Variants in TTLL5 observed in about 807,000 individuals in gnomAD.
TTLL5 encodes tubulin tyrosine ligase like 5, also known as tubulin polyglutamylase TTLL5.
In TTLL5, 132 loss-of-function variants were observed where a neutral mutation model predicts 168.4. The observed-to-expected ratio is 0.78, with a 90% CI of 0.68 to 0.91. The LOEUF (loss-of-function observed/expected upper bound fraction) is 0.91, where lower values mean the gene tolerates loss of function less well. Ranked by LOEUF, TTLL5 falls within the 40% of genes least tolerant of loss-of-function variation. The pLI, the probability that TTLL5 is intolerant of heterozygous loss-of-function variation, is 0.00. For synonymous variants in TTLL5, 546 were observed against 558.6 expected (o/e 0.98, Z 0.32); for missense variants, 1,545 against 1,581.5 (o/e 0.98, Z 0.39).
intron 9 of TTLL5, chr14:75,710,596 G>T (rs1173515976): frequency 1.3e-5 from 2 of 152,156 alleles, no homozygotes; most frequent in Non-Finnish European, 2.9e-5. Flanking sequence ...AAAGCATAAC[G>T]CATGGCAATA....
intron 7 of TTLL5, among the ~76,000 whole-genome samples, chr14:75,700,395 G>A (rs992848387): frequency 3.3e-5 from 5 of 152,210 alleles, no homozygotes; most frequent in African/African-American, 1.2e-4. Context: ...GAAGCAAAAT[G>A]ATGGAGTTTA....
At chr14:75,874,608 A>G (rs1273108360) in intron 29 of TTLL5, among the ~76,000 whole-genome samples, 1 of 152,202 alleles carries the variant, frequency 6.6e-6, no homozygotes, top group Non-Finnish European at 1.5e-5. Flanking sequence ...AATTGGTACA[A>G]CCTTTCCTGA....
At chr14:75,892,499 C>G (rs962775931) in intron 30 of TTLL5, among the ~76,000 whole-genome samples, 2 of 152,192 alleles carry the variant, frequency 1.3e-5, no homozygotes, top group East Asian at 1.9e-4. Context: ...CAGTTTCCCC[C>G]CCAGGAGACA....
At chr14:75,739,559 T>C (rs1424424222) in intron 15 of TTLL5, among the ~76,000 whole-genome samples, 2 of 152,198 alleles carry the variant, frequency 1.3e-5, no homozygotes, top group Non-Finnish European at 1.5e-5. Flanking sequence ...CTTTAATGTC[T>C]ATGGTTCAAA....
chr14:75,808,533 A>C (rs1436094485), intron 27 of TTLL5, among the ~76,000 whole-genome samples: 3 of 152,028 alleles, frequency 2.0e-5, no homozygotes, highest in Non-Finnish European at 2.9e-5. Context: ...TTCTGATTGA[A>C]TATATTCTCT....
chr14:75,871,406 A>G (rs1049953982), intron 29 of TTLL5, among the ~76,000 whole-genome samples: 1 of 152,168 alleles, frequency 6.6e-6, no homozygotes, highest in Non-Finnish European at 1.5e-5. Flanking sequence ...TATTTTTACC[A>G]GGTCAGAGGA....
intron 28 of TTLL5, among the ~76,000 whole-genome samples, chr14:75,830,302 C>T (rs1267910978): frequency 6.6e-6 from 1 of 152,152 alleles, no homozygotes; most frequent in Non-Finnish European, 1.5e-5. Flanking sequence ...TCCACCTTAC[C>T]ACTTGCATTC....
At chr14:75,781,359 C>T (rs1892038877) in intron 24 of TTLL5, among the ~76,000 whole-genome samples, 1 of 152,148 alleles carries the variant, frequency 6.6e-6, no homozygotes, top group African/African-American at 2.4e-5. Context: ...AGTATAGTAT[C>T]TGGAGTCATT....
chr14:75,819,800 CT>C (rs1894726951), intron 27 of TTLL5, among the ~76,000 whole-genome samples: 1 of 152,156 alleles, frequency 6.6e-6, no homozygotes, highest in South Asian at 2.1e-4. Flanking sequence ...AAAATAAATG[CT>C]TGTTAACTTA....
In TTLL5 at chr14:75,766,384, A is replaced by G; in HGVS notation, c.2015+16A>G. ...GCAATCTTAGGTATGTATCTTTTAT[A>G]ATTATATTAGTAAAACTGATAACAG... is the stretch of plus-strand genomic sequence containing the variant. On this transcript the variant is annotated intron_variant, in intron 20 of 31. Coordinates refer to ENST00000298832, the MANE Select transcript of TTLL5 (RefSeq NM_015072.5). 1.3e-6 allele frequency: 2 copies of G among 1,586,904 alleles called. No homozygotes were observed. Among genetic ancestry groups the G allele is most frequent in the South Asian group, 1.2e-5 (1 of 85,810 alleles).
intron 25 of TTLL5, 132 bp from the exon 26 acceptor site, chr14:75,783,015 G>A: frequency 9.4e-7 from 1 of 1,062,660 alleles, no homozygotes; most frequent in South Asian, 1.7e-5. Context: ...ACTCATTAAA[G>A]TCTGTATTTT....
intron 29 of TTLL5, among the ~76,000 whole-genome samples, chr14:75,868,498 C>T (rs756059579): frequency 3.9e-5 from 6 of 152,098 alleles, no homozygotes; most frequent in Non-Finnish European, 8.8e-5. Flanking sequence ...CCAAGTTTAC[C>T]AAACTAATCT....
At chr14:75,734,209 C>T (rs554129950) in intron 14 of TTLL5, among the ~76,000 whole-genome samples, 159 bp downstream of exon 14, 47 of 152,302 alleles carry the variant, frequency 3.1e-4, no homozygotes, top group African/African-American at 1.1e-3. Context: ...TATGTTTCTA[C>T]GACACTTGGC....
At position 75,783,353 on chromosome 14, in the gene TTLL5, AAC is replaced by A. The variant is rs1462504432; in HGVS notation, c.2813_2814del (p.Thr938SerfsTer46). ...SMPHQPTILLNTVSASASPCL... is the reference protein window; with the variant it reads ...SMPHQPTILLXTVSASASPCL... ...GCCTCACCAGCCAACAATTTTACTGAACACAGTCTCTGCCAGTGCTTCTCCCT... is the reference window on the plus strand; with the variant it reads ...GCCTCACCAGCCAACAATTTTACTGAACAGTCTCTGCCAGTGCTTCTCCCT... On this transcript the variant is annotated frameshift_variant, in exon 26 of 32. Coordinates refer to ENST00000298832, the MANE Select transcript of TTLL5 (RefSeq NM_015072.5). LOFTEE classifies it high-confidence loss of function. 2 of 1,614,122 alleles carry A rather than the reference AAC, an allele frequency of 1.2e-6. No homozygotes were observed. The highest frequency in any genetic ancestry group is 1.7e-5 in the Admixed American group (1 of 60,006).
At chr14:75,856,679 T>C (rs997037878) in intron 28 of TTLL5, among the ~76,000 whole-genome samples, 6 of 146,458 alleles carry the variant, frequency 4.1e-5, no homozygotes, top group Non-Finnish European at 7.4e-5. Context: ...CAGGCTGGAG[T>C]GCAGTGGCAC....
At chr14:75,819,799 G>T (rs1764057441) in intron 27 of TTLL5, among the ~76,000 whole-genome samples, 1 of 152,188 alleles carries the variant, frequency 6.6e-6, no homozygotes, top group South Asian at 2.1e-4. Context: ...CAAAATAAAT[G>T]CTTGTTAACT....
At chr14:75,938,978 C>T (rs563601309) in intron 31 of TTLL5, among the ~76,000 whole-genome samples, 286 of 152,300 alleles carry the variant, frequency 1.9e-3, no homozygotes, top group African/African-American at 6.1e-3. Context: ...ATCAGTTTAA[C>T]GGGTCGCAAC....
At chr14:75,692,849 G>T (rs146649950) in intron 6 of TTLL5, among the ~76,000 whole-genome samples, 1,989 of 152,254 alleles carry the variant, frequency 0.013, 18 homozygotes, top group South Asian at 0.035. Flanking sequence ...TTTGGATGTC[G>T]ATGGGGCATC....
intron 29 of TTLL5, among the ~76,000 whole-genome samples, chr14:75,868,468 CT>C (rs1289130423): frequency 2.6e-5 from 4 of 152,194 alleles, no homozygotes; most frequent in African/African-American, 4.8e-5. Flanking sequence ...CTGTTCTTTA[CT>C]TTTCCCTTCC....
Sources: allele counts gnomAD v4.1 joint callset (sites outside exome capture counted in the v4.1 genomes callset), GRCh38; gene constraint gnomAD v4.1.1; transcripts MANE v1.5; gene names NCBI Gene and HGNC (gene_info 2026-07-23, HGNC 2026-07-21).